RIMS1: variants seen among roughly 807,000 people sequenced by gnomAD.
The protein encoded by RIMS1 is regulating synaptic membrane exocytosis 1.
RIMS1 carries 83 observed loss-of-function variants against 214.1 expected under a neutral mutation model. The ratio of observed to expected loss-of-function variants is 0.39; its 90% CI spans 0.32 to 0.47. The LOEUF (loss-of-function observed/expected upper bound fraction) is 0.47, where lower values mean the gene tolerates loss of function less well. Among genes scored for constraint, RIMS1 ranks in the 20% least tolerant of loss-of-function variants. The pLI is 0.99. For missense variants in RIMS1, 2,050 were observed against 2,161.8 expected, an observed-to-expected ratio of 0.95 and a Z score of 1.03; for synonymous variants, 793 against 786.8, an observed-to-expected ratio of 1.01 and a Z score of -0.13.
intron 1 of RIMS1, among the ~76,000 whole-genome samples, chr6:71,909,329 A>T (rs1776234193): frequency 6.6e-6 from 1 of 152,190 alleles, no homozygotes; most frequent in Non-Finnish European, 1.5e-5. Context: ...AGTTTTAAAT[A>T]TATTGATGAA....
intron 4 of RIMS1, among the ~76,000 whole-genome samples, chr6:72,155,454 C>T (rs2044311024): frequency 7.1e-6 from 1 of 140,266 alleles, no homozygotes; most frequent in Non-Finnish European, 1.6e-5. Flanking sequence ...ATCTTTTCAG[C>T]AACACCCCAT....
At chr6:72,000,802 A>G (rs895511366) in intron 2 of RIMS1, among the ~76,000 whole-genome samples, 1 of 152,012 alleles carries the variant, frequency 6.6e-6, no homozygotes, top group Non-Finnish European at 1.5e-5. Context: ...CTTTTATGAA[A>G]TTCTCTCTTC....
At chr6:72,351,072 A>G (rs1290570625) in intron 29 of RIMS1, among the ~76,000 whole-genome samples, 1 of 152,086 alleles carries the variant, frequency 6.6e-6, no homozygotes, top group Non-Finnish European at 1.5e-5. Flanking sequence ...GAGCATAAAC[A>G]TTTCATATTT....
chr6:71,943,662 A>G (rs1786899018), intron 1 of RIMS1, among the ~76,000 whole-genome samples: 1 of 152,212 alleles, frequency 6.6e-6, no homozygotes, highest in South Asian at 2.1e-4. Context: ...CAGTTAATAT[A>G]TAATAATATA....
At chr6:72,369,419 A>T (rs1350393143) in intron 29 of RIMS1, among the ~76,000 whole-genome samples, 1 of 152,096 alleles carries the variant, frequency 6.6e-6, no homozygotes, top group East Asian at 1.9e-4. Context: ...TAGGACATGT[A>T]TATTAAAAGA....
chr6:71,916,855 GGA>G (rs1159142943), intron 1 of RIMS1, among the ~76,000 whole-genome samples: 19 of 152,138 alleles, frequency 1.2e-4, no homozygotes, highest in Admixed American at 9.8e-4. Flanking sequence ...ATGGGAAGTG[GGA>G]CAACCAGAGG....
intron 1 of RIMS1, among the ~76,000 whole-genome samples, chr6:71,912,782 C>A (rs751073485): frequency 3.3e-5 from 5 of 152,044 alleles, no homozygotes; most frequent in Admixed American, 1.3e-4. Context: ...ATAGAAAAAT[C>A]TATTAGCAAA....
intron 4 of RIMS1, among the ~76,000 whole-genome samples, chr6:72,177,213 G>C (rs2047834911): frequency 6.6e-6 from 1 of 151,984 alleles, no homozygotes; most frequent in Admixed American, 6.6e-5. Flanking sequence ...AGTATACCTT[G>C]ATATTTCTGT....
intron 29 of RIMS1, among the ~76,000 whole-genome samples, chr6:72,349,187 A>T (rs541145322): frequency 6.6e-6 from 1 of 152,192 alleles, no homozygotes; most frequent in South Asian, 2.1e-4. Context: ...ATGATTAGTC[A>T]TAGTTTTAGT....
At chr6:72,125,314 T>A (rs149475759) in intron 4 of RIMS1, among the ~76,000 whole-genome samples, 1 of 152,200 alleles carries the variant, frequency 6.6e-6, no homozygotes, top group African/African-American at 2.4e-5. Context: ...CAGCAGAGGC[T>A]GCAGAACAGC....
intron 6 of RIMS1, among the ~76,000 whole-genome samples, chr6:72,218,494 G>A (rs1252134144): frequency 6.6e-6 from 1 of 152,226 alleles, no homozygotes; most frequent in Non-Finnish European, 1.5e-5. Context: ...GCAAAAATAT[G>A]AATCAGATTG....
intron 28 of RIMS1, among the ~76,000 whole-genome samples, chr6:72,322,787 G>A (rs1302127761): frequency 7.2e-5 from 11 of 152,074 alleles, no homozygotes; most frequent in Admixed American, 7.2e-4. Context: ...AGAGAGCAGT[G>A]TTCTTACTTA....
At chr6:72,104,906 T>A (rs2034422102) in intron 4 of RIMS1, among the ~76,000 whole-genome samples, 1 of 152,146 alleles carries the variant, frequency 6.6e-6, no homozygotes, top group Non-Finnish European at 1.5e-5. Flanking sequence ...CATAGTTTTG[T>A]GTTAATTCAT....
chr6:72,243,703 AACAG>A (rs2068034438), intron 10 of RIMS1, among the ~76,000 whole-genome samples: 1 of 151,796 alleles, frequency 6.6e-6, no homozygotes. Context: ...TTAAAAAAGT[AACAG>A]ACAATTAAAG....
Position 72,182,427 on chromosome 6 carries a change from T to C in RIMS1, c.956T>C (p.Leu319Pro). ...ERKERRESRR[L>P]EKGRSQDYPD... is the part of the protein sequence containing the mutation. ...AAAGAAAGGCGGGAAAGCCGAAGGCTTGAGAAAGGGCGATCACAGGATTAC... is the reference window on the plus strand; with the variant it reads ...AAAGAAAGGCGGGAAAGCCGAAGGCCTGAGAAAGGGCGATCACAGGATTAC... Residue 319 changes from leucine (L) to proline (P), a missense_variant, in exon 6 of 34, where the codon CTT (leucine) becomes CCT (proline). Leu to Pro is a moderately conservative substitution (Grantham distance 98). Around this residue, in one of 6 missense-constraint regions of RIMS1, gnomAD observed 882 missense variants for 828.9 expected, o/e 1.06. Transcript: ENST00000521978. 2 of 1,613,824 alleles carry C rather than the reference T, an allele frequency of 1.2e-6. No individual in the cohort carries two copies. Among genetic ancestry groups the C allele is most frequent in the Non-Finnish European group, 1.7e-6 (2 of 1,179,834 alleles).
Position 72,287,155 on chromosome 6 carries a change from G to C in RIMS1, c.3554+3037G>C, listed in dbSNP as rs144707917. Among the ~76,000 whole-genome samples the C allele has an allele frequency of 2.6e-5, 4 of 152,188 alleles. No individual in the cohort carries two copies. In the South Asian group the frequency reaches 6.2e-4, roughly 24 times the overall value. On this transcript the variant is annotated intron_variant, in intron 24 of 33. Transcript: ENST00000521978. ...ACTACACTCTACATTCTAACTTGGG[G>C]ATGCTTTATTTCTTTATTTGGACTA... is the stretch of plus-strand genomic sequence containing the variant.
chr6:72,279,851 A>G (rs943458930), intron 23 of RIMS1, among the ~76,000 whole-genome samples: 3 of 151,950 alleles, frequency 2.0e-5, no homozygotes, highest in Non-Finnish European at 4.4e-5. Context: ...AACTGGTTAT[A>G]CATGGGATAG....
intron 2 of RIMS1, among the ~76,000 whole-genome samples, chr6:72,024,589 T>G (rs1815751657): frequency 6.6e-6 from 1 of 152,140 alleles, no homozygotes; most frequent in Non-Finnish European, 1.5e-5. Flanking sequence ...CTTTACATTT[T>G]CTCAGTTTTC....
chr6:72,072,104 C>T (rs1319261468), intron 2 of RIMS1, among the ~76,000 whole-genome samples: 1 of 152,106 alleles, frequency 6.6e-6, no homozygotes, highest in Non-Finnish European at 1.5e-5. Context: ...TGGACAGAGT[C>T]TGGAAGAACT....
Sources: gnomAD v4.1 joint callset for allele counts (sites outside exome capture counted in the v4.1 genomes callset) on GRCh38, gnomAD v4.1.1 for gene constraint, gnomAD v4.1.1 regional missense constraint, MANE v1.5 for transcripts, NCBI Gene and HGNC (gene_info 2026-07-23, HGNC 2026-07-21) for gene names.